Variants in MECOM observed in about 807,000 individuals in gnomAD.
MECOM encodes the protein MDS1 and EVI1 complex locus.
A neutral mutation model predicts 116.3 loss-of-function variants in MECOM; 13 were observed. The ratio of observed to expected loss-of-function variants is 0.11; its 90% CI spans 0.07 to 0.18. The LOEUF is 0.18. Ranked by LOEUF, MECOM falls within the 10% of genes least tolerant of loss-of-function variation. MECOM has a pLI of 1.00. For missense variants in MECOM, 1,299 were observed against 1,509.0 expected, an observed-to-expected ratio of 0.86 and a Z score of 2.31; for synonymous variants, 528 against 535.2, an observed-to-expected ratio of 0.99 and a Z score of 0.19.
chr3:169,179,906 G>A (rs1042077337), intron 2 of MECOM, among the ~76,000 whole-genome samples: 2 of 152,086 alleles, frequency 1.3e-5, no homozygotes, highest in Non-Finnish European at 2.9e-5. Flanking sequence ...CCTCCCCCAG[G>A]ACTCCCCATC....
intron 2 of MECOM, chr3:169,144,977 G>T: frequency 6.4e-7 from 1 of 1,558,882 alleles, no homozygotes. Context: ...CCCAATTGCA[G>T]ATTCAAGTCA....
chr3:169,659,551 T>C (rs1016972508), intron 1 of MECOM, among the ~76,000 whole-genome samples: 1 of 141,530 alleles, frequency 7.1e-6, no homozygotes, highest in Non-Finnish European at 1.5e-5. Flanking sequence ...GCCCGGGTAA[T>C]GGTCAAGTAA....
intron 2 of MECOM, among the ~76,000 whole-genome samples, chr3:169,216,487 T>C (rs1751434697): frequency 6.6e-6 from 1 of 152,098 alleles, no homozygotes; most frequent in South Asian, 2.1e-4. Context: ...TGCAAGGTCT[T>C]CTGGCTTCCC....
chr3:169,305,098 T>C (rs1239620348), intron 2 of MECOM, among the ~76,000 whole-genome samples: 1 of 152,182 alleles, frequency 6.6e-6, no homozygotes, highest in African/African-American at 2.4e-5. Context: ...TAGGACTCAA[T>C]AAATATTAAT....
At chr3:169,199,112 T>A (rs1223043767) in intron 2 of MECOM, among the ~76,000 whole-genome samples, 1 of 152,094 alleles carries the variant, frequency 6.6e-6, no homozygotes, top group East Asian at 1.9e-4. Context: ...TCAGAACATG[T>A]GGAGCATACT....
intron 1 of MECOM, among the ~76,000 whole-genome samples, chr3:169,588,183 A>C (rs186964404): frequency 2.4e-4 from 37 of 152,328 alleles, no homozygotes; most frequent in Admixed American, 1.9e-3. Flanking sequence ...TACAGTATTC[A>C]ATGTAAGCAC....
intron 1 of MECOM, among the ~76,000 whole-genome samples, chr3:169,533,591 T>TTTTAC (rs55667588): frequency 7.6e-5 from 10 of 132,238 alleles, no homozygotes; most frequent in Non-Finnish European, 1.3e-4. Flanking sequence ...TTTTTTTTTT[T>TTTTAC]ATTTCCTTAT....
intron 1 of MECOM, among the ~76,000 whole-genome samples, chr3:169,508,187 TA>T (rs1235669858): frequency 1.4e-5 from 2 of 138,588 alleles, no homozygotes; most frequent in Non-Finnish European, 3.1e-5. Context: ...CACCCCTCTG[TA>T]TACTTTCAAA....
intron 2 of MECOM, chr3:169,145,542 GA>G (rs558267748): frequency 4.0e-4 from 91 of 225,996 alleles, no homozygotes; most frequent in African/African-American, 1.8e-3. Context: ...AGAAAAAAAA[GA>G]AAAAAAGAAA....
chr3:169,356,525 G>C (rs932546503), intron 2 of MECOM, among the ~76,000 whole-genome samples: 34 of 151,866 alleles, frequency 2.2e-4, no homozygotes, highest in African/African-American at 8.0e-4. Context: ...TATGAGAGCC[G>C]AACATAAGAC....
chr3:169,200,755 C>T (rs935070683), intron 2 of MECOM, among the ~76,000 whole-genome samples: 1 of 152,002 alleles, frequency 6.6e-6, no homozygotes, highest in Admixed American at 6.6e-5. Context: ...ACTATCTGCC[C>T]GGGACTGAGC....
chr3:169,342,665 T>C (rs373536661), intron 2 of MECOM, among the ~76,000 whole-genome samples: 5 of 152,230 alleles, frequency 3.3e-5, no homozygotes, highest in East Asian at 1.9e-4. Context: ...TAATAATTGT[T>C]GCTCTTAGAT....
chr3:169,126,866 T>A (rs527468312), intron 5 of MECOM, among the ~76,000 whole-genome samples: 1 of 152,158 alleles, frequency 6.6e-6, no homozygotes, highest in South Asian at 2.1e-4. Flanking sequence ...AAGGGTAAAC[T>A]GAAGTTGGAC....
chr3:169,450,379 T>C (rs1017597126), intron 1 of MECOM, among the ~76,000 whole-genome samples: 5 of 152,048 alleles, frequency 3.3e-5, no homozygotes, highest in Admixed American at 1.3e-4. Flanking sequence ...TAAAAAAGCT[T>C]CCAAAAGTTC....
At chr3:169,324,885 C>T (rs1032370636) in intron 2 of MECOM, among the ~76,000 whole-genome samples, 17 of 152,210 alleles carry the variant, frequency 1.1e-4, no homozygotes, top group Admixed American at 1.0e-3. Context: ...TACCACCCCC[C>T]TCCCTTCTCT....
At chr3:169,655,795 G>A (rs1279586930) in intron 1 of MECOM, among the ~76,000 whole-genome samples, 1 of 152,134 alleles carries the variant, frequency 6.6e-6, no homozygotes, top group African/African-American at 2.4e-5. Context: ...GAAAAAAAAG[G>A]ATGTTTCTTC....
rs566167477 is a variant in MECOM at position 169,393,309 on chromosome 3, G to T, written c.38-11785C>A. ...GGCATGGCACCAATCTGGAGTAGGA[G>T]TTCTTAGAGAAGTGTCAGTACTATT... On this transcript the variant is annotated intron_variant, in intron 1 of 16. Transcript: ENST00000651503. Among the ~76,000 whole-genome samples, 8 of 152,278 alleles carry T rather than the reference G, an allele frequency of 5.3e-5. No individual in the cohort carries two copies. In the South Asian group the frequency reaches 1.5e-3, roughly 28 times the overall value.
At chr3:169,482,405 C>T (rs1347542277) in intron 1 of MECOM, among the ~76,000 whole-genome samples, 1 of 148,548 alleles carries the variant, frequency 6.7e-6, no homozygotes, top group African/African-American at 2.5e-5. Flanking sequence ...AATCCGGGCT[C>T]ACTGTAAGCT....
chr3:169,233,513 GT>G (rs1323146052), intron 2 of MECOM, among the ~76,000 whole-genome samples: 2 of 152,042 alleles, frequency 1.3e-5, no homozygotes, highest in East Asian at 1.9e-4. Context: ...TTGAGCATCT[GT>G]TTTTTTCTCA....
Sources: allele counts gnomAD v4.1 joint callset (sites outside exome capture counted in the v4.1 genomes callset), GRCh38; gene constraint gnomAD v4.1.1; transcripts MANE v1.5; gene names NCBI Gene and HGNC (gene_info 2026-07-23, HGNC 2026-07-21).